WDR25: variants seen among roughly 807,000 people sequenced by gnomAD.
WDR25 encodes WD repeat-containing protein 25.
In WDR25, 35 loss-of-function variants were observed where a neutral mutation model predicts 47.7. The ratio of observed to expected loss-of-function variants is 0.73; its 90% confidence interval spans 0.56 to 0.97. WDR25 has a LOEUF of 0.97. WDR25 is among the 50% of genes least tolerant of loss of function. The pLI is 0.00. For synonymous variants in WDR25, 248 were observed against 278.9 expected (o/e 0.89, Z 1.10); for missense variants, 634 against 704.7 (o/e 0.90, Z 1.14).
At chr14:100,420,993 T>C (rs1005579990) in intron 2 of WDR25, among the ~76,000 whole-genome samples, 1 of 152,246 alleles carries the variant, frequency 6.6e-6, no homozygotes, top group Non-Finnish European at 1.5e-5. Flanking sequence ...AGTCTTTTTA[T>C]TTCTGTCTGC....
chr14:100,385,502 C>T (rs919485523), intron 2 of WDR25, among the ~76,000 whole-genome samples: 2 of 152,186 alleles, frequency 1.3e-5, no homozygotes, highest in Non-Finnish European at 2.9e-5. Context: ...ATCCTTAAAA[C>T]GTAGCTTCGG....
chr14:100,452,981 G>T (rs574286878), intron 2 of WDR25, among the ~76,000 whole-genome samples: 2 of 152,258 alleles, frequency 1.3e-5, no homozygotes, highest in East Asian at 1.9e-4. Flanking sequence ...TGTTGCAGTG[G>T]TGCTGGGGAG....
At chr14:100,462,818 TCTCTTCCCCTCCCTTCTCTTCTC>T (rs1899460447) in intron 2 of WDR25, among the ~76,000 whole-genome samples, 1 of 151,668 alleles carries the variant, frequency 6.6e-6, no homozygotes, top group Non-Finnish European at 1.5e-5. Context: ...CTCTCCATCC[TCTCTTCCCCTCCCTTCTCTTCTC>T]TTCTTCCCCC....
At chr14:100,393,169 A>C (rs573501244) in intron 2 of WDR25, among the ~76,000 whole-genome samples, 2 of 152,390 alleles carry the variant, frequency 1.3e-5, no homozygotes, top group South Asian at 4.1e-4. Flanking sequence ...TAATTTGAAT[A>C]CATGCTAGCA....
chr14:100,505,625 C>T (rs1315356561), intron 4 of WDR25, among the ~76,000 whole-genome samples: 1 of 152,152 alleles, frequency 6.6e-6, no homozygotes. Flanking sequence ...ACAAAGATAT[C>T]TATTGGGTCC....
chr14:100,519,040 C>A (rs1416916365), intron 4 of WDR25, among the ~76,000 whole-genome samples: 1 of 152,122 alleles, frequency 6.6e-6, no homozygotes, highest in Admixed American at 6.5e-5. Flanking sequence ...GGTGTCCATG[C>A]CCACTATGTA....
chr14:100,430,187 C>A lies in WDR25; in HGVS notation c.823-37834C>A, dbSNP rs1898288753. ...GTGTGTGTGTGTGTGTGTGTGTGTTCCCGGGAAGGCACATCCTAAGCTTGG... is the reference window on the plus strand; with the variant it reads ...GTGTGTGTGTGTGTGTGTGTGTGTTACCGGGAAGGCACATCCTAAGCTTGG... On this transcript the variant is annotated intron_variant, in intron 2 of 6. Transcript: ENST00000402312. This position sits in a 1 kb window ranked among gnomAD's most constrained non-coding sequence, Gnocchi z 4.7. 1.5e-5 allele frequency among the ~76,000 whole-genome samples: 2 copies of A among 132,814 alleles called. No individual in the cohort carries two copies. Among genetic ancestry groups the A allele is most frequent in the Non-Finnish European group, 3.2e-5 (2 of 61,604 alleles). The allele number at this position is 132,814 out of a possible 152,430, so 87.1% of individuals were successfully genotyped here.
chr14:100,382,634 T>C (rs1224205915), intron 2 of WDR25, among the ~76,000 whole-genome samples: 1 of 152,212 alleles, frequency 6.6e-6, no homozygotes, highest in Admixed American at 6.5e-5. Flanking sequence ...CTGGGACCTG[T>C]CTCCAGCCCT....
intron 1 of WDR25, chr14:100,376,740 C>T: frequency 1.6e-6 from 2 of 1,230,076 alleles, no homozygotes; most frequent in South Asian, 8.5e-5. Context: ...CGCTCTGGGG[C>T]CTCCGGGGGG....
chr14:100,422,589 A>G lies in WDR25; in HGVS notation c.822+40843A>G, dbSNP rs144545034. 6.8e-4 allele frequency among the ~76,000 whole-genome samples: 104 copies of G among 152,292 alleles called. 1 individual carries two copies. The East Asian group carries it at 0.016, about 23-fold the overall frequency. ...AAAGCTTCTGGGGCTGGGACCCCTC[A>G]TGGTGACTTGACGGGCCTTCATGAT... is the stretch of plus-strand genomic sequence containing the variant. On this transcript the variant is annotated intron_variant, in intron 2 of 6. Transcript: ENST00000402312.
chr14:100,528,834 G>A (rs1265818907), intron 5 of WDR25, among the ~76,000 whole-genome samples: 2 of 152,306 alleles, frequency 1.3e-5, no homozygotes, highest in East Asian at 1.9e-4. Context: ...GTGCGGCTCC[G>A]CCAACATCTT....
intron 3 of WDR25, among the ~76,000 whole-genome samples, chr14:100,478,452 G>A (rs1321502612): frequency 6.6e-6 from 1 of 152,178 alleles, no homozygotes; most frequent in Non-Finnish European, 1.5e-5. Context: ...GATGGCTATG[G>A]CCCTAATTTC....
intron 2 of WDR25, among the ~76,000 whole-genome samples, chr14:100,421,564 A>G (rs955917465): frequency 8.5e-5 from 13 of 152,246 alleles, no homozygotes; most frequent in Non-Finnish European, 1.9e-4. Context: ...AAACTTCCAT[A>G]GATGCACCAC....
intron 2 of WDR25, among the ~76,000 whole-genome samples, chr14:100,384,135 G>A (rs762076244): frequency 1.3e-5 from 2 of 152,242 alleles, no homozygotes; most frequent in Non-Finnish European, 2.9e-5. Context: ...TTCCTTCCCA[G>A]GGCAGAGCAC....
At chr14:100,482,879 C>T (rs1031818718) in intron 3 of WDR25, among the ~76,000 whole-genome samples, 5 of 152,226 alleles carry the variant, frequency 3.3e-5, no homozygotes, top group South Asian at 2.1e-4. Context: ...GGAGTTTCTA[C>T]GGGTACAAGG....
At position 100,425,849 on chromosome 14, in the gene WDR25, G is replaced by A. The variant is rs1397547791; in HGVS notation, c.823-42172G>A. ...GCTTGGTTTCAGGCACAGATATGCA[G>A]CCAGGGAAATCACCTGGGGCAAGCT... is the stretch of plus-strand genomic sequence containing the variant. On this transcript the variant is annotated intron_variant, in intron 2 of 6. Transcript: ENST00000402312. This position sits in a 1 kb window ranked among gnomAD's most constrained non-coding sequence, Gnocchi z 4.8. Among the ~76,000 whole-genome samples the A allele has an allele frequency of 1.3e-5, 2 of 152,210 alleles. No individual in the cohort carries two copies. Among genetic ancestry groups the A allele is most frequent in the Admixed American group, 1.3e-4 (2 of 15,280 alleles).
At position 100,430,959 on chromosome 14, in the gene WDR25, A is replaced by T. The variant is rs761465901; in HGVS notation, c.823-37062A>T. Among the ~76,000 whole-genome samples the T allele has an allele frequency of 1.3e-5, 2 of 152,180 alleles. No homozygotes were observed. Among genetic ancestry groups the T allele is most frequent in the Admixed American group, 6.5e-5 (1 of 15,284 alleles). ...TGGTGAAGGGCTTCCTTCTGGCCTC[A>T]TCGTTGGCTTCTATGTGGCCGGCCT... is the stretch of plus-strand genomic sequence containing the variant. On this transcript the variant is annotated intron_variant, in intron 2 of 6. Coordinates refer to ENST00000402312, the MANE Select transcript of WDR25 (RefSeq NM_001161476.3). The surrounding 1 kb of genome is among the most constrained non-coding windows in gnomAD (Gnocchi z 4.7).
At position 100,529,859 on chromosome 14, in the gene WDR25, G is replaced by T; in HGVS notation, c.1453G>T (p.Gly485Cys). The T allele has an allele frequency of 6.2e-7, 1 of 1,613,060 alleles. No homozygotes were observed. ...YSVGCECSPG[G>C]DLLVTGSADG... ...AGTGGGCTGCGAGTGCTCCCCAGGC[G>T]GTGACTTGCTGGTGACGGGCAGCGC... Residue 485 changes from glycine to cysteine, a missense_variant, in exon 7 of 7, where the codon GGT becomes TGT. By Grantham distance (159) the Gly-to-Cys change is radical. Transcript: ENST00000402312. The surrounding 1 kb of genome is among the most constrained non-coding windows in gnomAD (Gnocchi z 5.1).
intron 2 of WDR25, among the ~76,000 whole-genome samples, chr14:100,434,133 C>T (rs1465775228): frequency 1.3e-5 from 2 of 152,110 alleles, no homozygotes; most frequent in African/African-American, 4.8e-5. Context: ...TAGATGTGCT[C>T]ATTGCTTCAT....
Sources: allele counts gnomAD v4.1 joint callset (sites outside exome capture counted in the v4.1 genomes callset), GRCh38; gene constraint gnomAD v4.1.1; non-coding constraint Gnocchi (gnomAD v3.1); transcripts MANE v1.5; gene names NCBI Gene and HGNC (gene_info 2026-07-23, HGNC 2026-07-21).